The following SYN3 variants were observed in gnomAD, a reference collection of about 807,000 sequenced individuals.
SYN3 encodes the protein synapsin III, also known as synapsin-3.
SYN3 carries 35 observed loss-of-function variants against 65.8 expected under a neutral mutation model. The observed-to-expected ratio is 0.53, with a 90% CI of 0.41 to 0.70. The LOEUF is 0.70. Ranked by LOEUF, SYN3 falls within the 30% of genes least tolerant of loss-of-function variation. The pLI is 0.00. For synonymous variants in SYN3, 270 were observed against 292.9 expected (o/e 0.92, Z 0.80); for missense variants, 680 against 749.0 (o/e 0.91, Z 1.08).
chr22:32,650,247 C>A, intron 6 of SYN3, among the ~76,000 whole-genome samples: 1 of 107,758 alleles, frequency 9.3e-6, no homozygotes, highest in East Asian at 3.2e-4. Context: ...CCCTCCCTCC[C>A]TCCCTCCCTC....
chr22:32,876,970 G>A (rs1444958263), intron 4 of SYN3, among the ~76,000 whole-genome samples: 4 of 152,288 alleles, frequency 2.6e-5, no homozygotes, highest in Non-Finnish European at 5.9e-5. Context: ...ATAAATAGAC[G>A]GTAGGTAGAT....
At chr22:32,901,640 T>C (rs369796785) in intron 4 of SYN3, among the ~76,000 whole-genome samples, 2 of 152,164 alleles carry the variant, frequency 1.3e-5, no homozygotes, top group African/African-American at 2.4e-5. Context: ...CTCGTGTAGA[T>C]GTTTTACAGG....
intron 6 of SYN3, among the ~76,000 whole-genome samples, chr22:32,649,635 G>C (rs1018280500): frequency 1.1e-4 from 17 of 152,080 alleles, no homozygotes; most frequent in African/African-American, 4.1e-4. Context: ...CTAGCTTCGC[G>C]GCTGGGCCCA....
At chr22:32,535,037 G>C (rs2146196356) in intron 9 of SYN3, among the ~76,000 whole-genome samples, 1 of 152,318 alleles carries the variant, frequency 6.6e-6, no homozygotes, top group Non-Finnish European at 1.5e-5. Context: ...GGGCCCGGGG[G>C]CTGACTCCTC....
At chr22:33,047,695 A>G (rs998831005) in intron 1 of SYN3, among the ~76,000 whole-genome samples, 2 of 151,958 alleles carry the variant, frequency 1.3e-5, no homozygotes, top group African/African-American at 4.8e-5. Flanking sequence ...GTAAGATTGA[A>G]GAAAGAAAAA....
chr22:32,792,646 G>T (rs1026232019), intron 6 of SYN3, among the ~76,000 whole-genome samples: 1 of 152,158 alleles, frequency 6.6e-6, no homozygotes, highest in Non-Finnish European at 1.5e-5. Flanking sequence ...TGCCTGCCAA[G>T]TCACTTCTCC....
intron 1 of SYN3, among the ~76,000 whole-genome samples, chr22:33,025,129 G>C (rs1032817108): frequency 1.1e-4 from 17 of 152,064 alleles, no homozygotes; most frequent in Non-Finnish European, 2.4e-4. Flanking sequence ...CACTAGGTCA[G>C]GAGTTCAAGA....
chr22:32,749,937 A>G (rs1456112585), intron 6 of SYN3, among the ~76,000 whole-genome samples: 1 of 152,154 alleles, frequency 6.6e-6, no homozygotes, highest in Non-Finnish European at 1.5e-5. Flanking sequence ...TGCCTTCCCT[A>G]AGTGCAGTAG....
intron 6 of SYN3, among the ~76,000 whole-genome samples, chr22:32,693,368 C>G (rs1002806584): frequency 1.3e-5 from 2 of 152,090 alleles, no homozygotes; most frequent in African/African-American, 2.4e-5. Context: ...TTTGGGAGAA[C>G]AGAGCTGGAC....
chr22:32,682,904 C>A (rs1295297547), intron 6 of SYN3, among the ~76,000 whole-genome samples: 1 of 152,116 alleles, frequency 6.6e-6, no homozygotes, highest in African/African-American at 2.4e-5. Flanking sequence ...TTGGAAGGTG[C>A]CTTGGTGAGG....
chr22:32,752,788 G>A (rs1402661361), intron 6 of SYN3, among the ~76,000 whole-genome samples: 2 of 152,234 alleles, frequency 1.3e-5, no homozygotes, highest in African/African-American at 4.8e-5. Flanking sequence ...CTGAAGCAGA[G>A]ATGGTGGGGC....
At chr22:32,839,580 G>A (rs1231099442) in intron 6 of SYN3, among the ~76,000 whole-genome samples, 1 of 152,144 alleles carries the variant, frequency 6.6e-6, no homozygotes, top group Non-Finnish European at 1.5e-5. Context: ...CCCTGTCCCA[G>A]GCCAAGGTAT....
At chr22:32,972,218 G>A (rs536951560) in intron 3 of SYN3, among the ~76,000 whole-genome samples, 2 of 152,286 alleles carry the variant, frequency 1.3e-5, no homozygotes, top group South Asian at 4.1e-4. Flanking sequence ...ATAAATGTTT[G>A]AAATGACATA....
At chr22:32,739,279 T>G (rs1168329509) in intron 6 of SYN3, among the ~76,000 whole-genome samples, 1 of 152,082 alleles carries the variant, frequency 6.6e-6, no homozygotes, top group African/African-American at 2.4e-5. Context: ...TCTCATTCTC[T>G]CTCTTGTCTG....
At chr22:32,961,290 T>G (rs1233515536) in intron 3 of SYN3, among the ~76,000 whole-genome samples, 1 of 152,134 alleles carries the variant, frequency 6.6e-6, no homozygotes, top group Non-Finnish European at 1.5e-5. Context: ...GGAGACAGGT[T>G]AGGCTAAGCG....
intron 6 of SYN3, among the ~76,000 whole-genome samples, chr22:32,630,538 C>T (rs1323321009): frequency 1.3e-5 from 2 of 152,192 alleles, no homozygotes; most frequent in Non-Finnish European, 2.9e-5. Flanking sequence ...TGATCTGGTC[C>T]TTTCTGAATT....
chr22:32,866,948 T>C (rs137489), intron 5 of SYN3, among the ~76,000 whole-genome samples: 35,179 of 152,128 alleles, frequency 0.23, 4,550 homozygotes, highest in East Asian at 0.5. Context: ...CCAGCCACAT[T>C]CTAAGCGTTT....
chr22:32,968,730 G>A (rs1171761947), intron 3 of SYN3, among the ~76,000 whole-genome samples: 1 of 152,148 alleles, frequency 6.6e-6, no homozygotes, highest in Admixed American at 6.5e-5. Flanking sequence ...TGCACATCAG[G>A]TTCTCTGTGA....
chr22:32,706,261 T>C (rs957653157), intron 6 of SYN3, among the ~76,000 whole-genome samples: 2 of 152,184 alleles, frequency 1.3e-5, no homozygotes, highest in Non-Finnish European at 2.9e-5. Flanking sequence ...TGAGGAACTT[T>C]TAATTGAATT....
Sources: gnomAD v4.1 joint callset for allele counts (sites outside exome capture counted in the v4.1 genomes callset) on GRCh38, gnomAD v4.1.1 for gene constraint, MANE v1.5 for transcripts, NCBI Gene and HGNC (gene_info 2026-07-23, HGNC 2026-07-21) for gene names.